TOGARAM2: variants seen among roughly 807,000 people sequenced by gnomAD.
TOGARAM2 encodes TOG array regulator of axonemal microtubules protein 2.
TOGARAM2 carries 85 observed loss-of-function variants against 93.3 expected under a neutral mutation model. The observed-to-expected ratio is 0.91, with a 90% CI of 0.76 to 1.09. TOGARAM2 has a LOEUF of 1.09. TOGARAM2 is among the 50% of genes least tolerant of loss of function. The probability of loss-of-function intolerance (pLI) is 0.00; values close to 1 mark genes in which losing one functional copy is unlikely to be tolerated. For missense variants in TOGARAM2, 1,277 were observed against 1,334.5 expected, an observed-to-expected ratio of 0.96 and a Z score of 0.67; for synonymous variants, 593 against 552.8, an observed-to-expected ratio of 1.07 and a Z score of -1.02.
chr2:28,983,190 ATATATATATTTTT>A (rs1672293092), intron 1 of TOGARAM2, among the ~76,000 whole-genome samples: 1 of 48,980 alleles, frequency 2.0e-5, no homozygotes, highest in South Asian at 6.5e-4. Context: ...ATATATATAT[ATATATATATTTTT>A]TTTTTTTTTT....
chr2:28,990,994 GTGTGTGT>G (rs1558406451), intron 1 of TOGARAM2, among the ~76,000 whole-genome samples: 37 of 16,630 alleles, frequency 2.2e-3, no homozygotes, highest in Middle Eastern at 0.12. Flanking sequence ...TGTGAAGGGT[GTGTGTGT>G]GTGTGTGTGT....
chr2:28,976,797 G>C (rs757401032), upstream of TOGARAM2, among the ~76,000 whole-genome samples: 1 of 152,208 alleles, frequency 6.6e-6, no homozygotes, highest in Admixed American at 6.5e-5. Context: ...CAGGGAACAC[G>C]TCAGCCCAGT....
Position 28,962,216 on chromosome 2 carries a change from C to T in TOGARAM2, c.-147+5519C>T, listed in dbSNP as rs929692005. Among the ~76,000 whole-genome samples, 35 of 151,058 alleles carry T rather than the reference C, an allele frequency of 2.3e-4. 2 individuals are homozygous for T. Among genetic ancestry groups the T allele is most frequent in the Middle Eastern group, 3.4e-3 (1 of 294 alleles). On this transcript the variant is annotated intron_variant, in intron 1 of 6. Transcript: ENST00000401723. The stretch of plus-strand genomic sequence containing the variant: ...TTTGAGACAGAGTCTCGCTCTGTCA[C>T]CCAGGCTGGAGTGCACTGTCATGAT...
At chr2:29,006,174 T>C (rs1334406329) in intron 6 of TOGARAM2, among the ~76,000 whole-genome samples, 1 of 126,190 alleles carries the variant, frequency 7.9e-6, no homozygotes, top group African/African-American at 2.8e-5. Flanking sequence ...TGAGCATGTG[T>C]GACCACATGT....
At chr2:28,980,364 C>T (rs1017796157), upstream of TOGARAM2, among the ~76,000 whole-genome samples, 7 of 152,238 alleles carry the variant, frequency 4.6e-5, no homozygotes, top group African/African-American at 9.6e-5. Context: ...GCCCAGGCCT[C>T]GTGGGGTGTA....
At chr2:29,047,432 A>G (rs1393288905) in intron 19 of TOGARAM2, 1 of 152,230 alleles carries the variant, frequency 6.6e-6, no homozygotes, top group South Asian at 2.1e-4. Context: ...GAGCTTCTCC[A>G]TAGGTCTTCT....
intron 14 of TOGARAM2, among the ~76,000 whole-genome samples, chr2:29,029,148 C>T (rs866635848): frequency 2.0e-4 from 30 of 152,176 alleles, no homozygotes; most frequent in Admixed American, 7.2e-4. Flanking sequence ...TACTTGTTCA[C>T]GCATGTTTAT....
At chr2:28,978,170 G>C (rs1672064021), upstream of TOGARAM2, among the ~76,000 whole-genome samples, 1 of 152,186 alleles carries the variant, frequency 6.6e-6, no homozygotes, top group Admixed American at 6.5e-5. Context: ...GCCTCCTAAA[G>C]TGCTGGGATG....
At chr2:29,038,483 T>G (rs1205327878) in intron 18 of TOGARAM2, among the ~76,000 whole-genome samples, 1 of 152,238 alleles carries the variant, frequency 6.6e-6, no homozygotes, top group African/African-American at 2.4e-5. Context: ...TTTTTGTTTT[T>G]GTTTTTTCGA....
At chr2:28,964,904 G>A (rs1254934857) in intron 1 of TOGARAM2, among the ~76,000 whole-genome samples, 1 of 152,142 alleles carries the variant, frequency 6.6e-6, no homozygotes, top group African/African-American at 2.4e-5. Context: ...GGGCATTTGG[G>A]TTGATTCCAT....
chr2:29,022,725 C>T (rs1665039634), intron 11 of TOGARAM2, among the ~76,000 whole-genome samples: 1 of 152,204 alleles, frequency 6.6e-6, no homozygotes, highest in Admixed American at 6.5e-5. Context: ...AATGCCTCGG[C>T]CTCCAGAACA....
Position 28,999,191 on chromosome 2 carries a change from G to T in TOGARAM2, c.150G>T (p.Gln50His), listed in dbSNP as rs1451379331. ...CTCTGTCCCCCTCAGGTTCTCTCCA[G>T]CCTGAGCCAAGAGCCCTGCTGAACA... Reference protein sequence around the residue: ...SSLPHGEGSLQPEPRALLNNE... With the variant: ...SSLPHGEGSLHPEPRALLNNE... Residue 50 changes from glutamine (Q) to histidine (H), a missense_variant, in exon 4 of 20, where the codon CAG becomes CAT. By Grantham distance (24) the Gln-to-His change is conservative (BLOSUM62 0). Coordinates refer to ENST00000379558, the MANE Select transcript of TOGARAM2 (RefSeq NM_199280.4). The T allele has an allele frequency of 6.2e-7, 1 of 1,612,590 alleles. No homozygotes were observed. The highest frequency in any genetic ancestry group is 8.5e-7 in the Non-Finnish European group (1 of 1,179,090).
At chr2:29,007,391 G>C (rs936301324) in intron 6 of TOGARAM2, among the ~76,000 whole-genome samples, 3 of 152,200 alleles carry the variant, frequency 2.0e-5, no homozygotes, top group Admixed American at 6.5e-5. Context: ...CTTCTTCTTG[G>C]CCTTCAAGTC....
At chr2:28,974,284 C>T (rs556640719) in intron 1 of TOGARAM2, among the ~76,000 whole-genome samples, 130 of 151,378 alleles carry the variant, frequency 8.6e-4, no homozygotes, top group African/African-American at 2.5e-3. Flanking sequence ...TGCACCACCA[C>T]GCCCAGCTAA....
At chr2:29,016,743 AC>A (rs1664595839) in intron 8 of TOGARAM2, among the ~76,000 whole-genome samples, 1 of 151,448 alleles carries the variant, frequency 6.6e-6, no homozygotes, top group South Asian at 2.1e-4. Context: ...GCCAGTGTCC[AC>A]CCCCTGACTG....
chr2:29,017,101 T>C (rs1441184617), intron 8 of TOGARAM2, 53 bp from the exon 9 acceptor site: 1 of 1,584,162 alleles, frequency 6.3e-7, no homozygotes, highest in African/African-American at 1.3e-5. Context: ...TGATTGAATG[T>C]TGATGATTGA....
intron 16 of TOGARAM2, among the ~76,000 whole-genome samples, chr2:29,034,218 A>C (rs990548374): frequency 1.3e-5 from 2 of 152,134 alleles, no homozygotes; most frequent in Non-Finnish European, 2.9e-5. Context: ...AAAACATGAG[A>C]GCAGCTGGTA....
rs531771580 is a variant in TOGARAM2, at chr2:29,018,113, G to C, written c.1360+157G>C. 6.8e-5 allele frequency: 52 copies of C among 769,726 alleles called. No homozygotes were observed. In the African/African-American group the frequency reaches 8.3e-4, roughly 12 times the overall value. The allele number at this position is 769,726 out of a possible 1,614,324, so 47.7% of individuals were successfully genotyped here. On this transcript the variant is annotated intron_variant, in intron 10 of 19. Coordinates refer to ENST00000379558, the MANE Select transcript of TOGARAM2 (RefSeq NM_199280.4). ...GGGGTGGTGGTTGCCTTGCCAGAGA[G>C]AGAAACAGTGTCAGGGACTCATCAT...
chr2:28,987,208 C>T (rs1190411093), intron 1 of TOGARAM2, among the ~76,000 whole-genome samples: 1 of 152,216 alleles, frequency 6.6e-6, no homozygotes, highest in Admixed American at 6.5e-5. Flanking sequence ...TAGTACATTG[C>T]CCCGGGCGCA....
Sources: allele counts gnomAD v4.1 joint callset (sites outside exome capture counted in the v4.1 genomes callset), GRCh38; gene constraint gnomAD v4.1.1; transcripts MANE v1.5; gene names NCBI Gene and HGNC (gene_info 2026-07-23, HGNC 2026-07-21).